Variants in LRBA observed in about 807,000 individuals in gnomAD.
LRBA encodes the protein LPS responsive beige-like anchor protein.
In LRBA, 176 loss-of-function variants were observed where a neutral mutation model predicts 330.0. The ratio of observed to expected loss-of-function variants is 0.53; its 90% CI spans 0.47 to 0.60. The LOEUF (loss-of-function observed/expected upper bound fraction) is 0.60. Among genes scored for constraint, LRBA ranks in the 20% least tolerant of loss-of-function variants. The probability of loss-of-function intolerance (pLI) is 0.00; values close to 1 mark genes in which losing one functional copy is unlikely to be tolerated. For missense variants in LRBA, 3,259 were observed against 3,444.8 expected, an observed-to-expected ratio of 0.95 and a Z score of 1.35; for synonymous variants, 1,230 against 1,193.0, an observed-to-expected ratio of 1.03 and a Z score of -0.64.
chr4:150,497,489 A>G (rs1289252237), intron 40 of LRBA, among the ~76,000 whole-genome samples: 1 of 152,178 alleles, frequency 6.6e-6, no homozygotes, highest in African/African-American at 2.4e-5. Flanking sequence ...ATACATAAAA[A>G]ATAAAATTAC....
chr4:150,398,233 A>G (rs1428902746), intron 47 of LRBA, among the ~76,000 whole-genome samples: 3 of 152,330 alleles, frequency 2.0e-5, no homozygotes, highest in South Asian at 4.1e-4. Context: ...AGAAAAAACA[A>G]TTACAAATTG....
At chr4:150,650,507 A>C (rs148334538) in intron 37 of LRBA, among the ~76,000 whole-genome samples, 1 of 152,242 alleles carries the variant, frequency 6.6e-6, no homozygotes, top group Non-Finnish European at 1.5e-5. Flanking sequence ...TAGAGTAAGG[A>C]ATCTCAAAAC....
At chr4:150,560,031 A>G (rs961494329) in intron 40 of LRBA, among the ~76,000 whole-genome samples, 1 of 140,232 alleles carries the variant, frequency 7.1e-6, no homozygotes, top group Admixed American at 8.1e-5. Flanking sequence ...ATGGCAGGTT[A>G]AAGTATTATC....
intron 44 of LRBA, among the ~76,000 whole-genome samples, chr4:150,441,166 A>T (rs907531044): frequency 5.3e-5 from 8 of 152,086 alleles, no homozygotes; most frequent in African/African-American, 7.2e-5. Context: ...AATATTTAAT[A>T]AAAAAAGGCA....
In LRBA at chr4:150,583,568, G is replaced by A. The variant is rs760781034; in HGVS notation, c.6330+4480C>T. On this transcript the variant is annotated intron_variant, in intron 40 of 56. Coordinates refer to ENST00000651943, the MANE Select transcript of LRBA (RefSeq NM_001364905.1). This position sits in a 1 kb window ranked among gnomAD's most constrained non-coding sequence, Gnocchi z 9.8. ...CCGGCGTTCAAGTGCACCGGGATCT[G>A]GCCTCGCAGCGCGGCACAGTGGCCT... 1 of 1,613,908 alleles carries A rather than the reference G, an allele frequency of 6.2e-7. No homozygotes were observed. Among genetic ancestry groups the A allele is most frequent in the Non-Finnish European group, 8.5e-7 (1 of 1,179,920 alleles).
At chr4:150,629,353 T>G (rs570485040) in intron 37 of LRBA, among the ~76,000 whole-genome samples, 29 of 152,326 alleles carry the variant, frequency 1.9e-4, no homozygotes, top group African/African-American at 6.7e-4. Context: ...TTTTTAAAGG[T>G]ATAGGCCAGG....
chr4:150,499,638 T>TC (rs1760007503), intron 40 of LRBA, among the ~76,000 whole-genome samples: 1 of 152,076 alleles, frequency 6.6e-6, no homozygotes. Flanking sequence ...GACTTTTTTT[T>TC]TTTTTTAAGT....
At position 150,316,877 on chromosome 4, in the gene LRBA, T is replaced by G. The variant is rs144739785; in HGVS notation, c.7631-1254A>C. On this transcript the variant is annotated intron_variant, in intron 50 of 56. Transcript: ENST00000651943. ...AGGGGCGTTGGGGTTCCTATCTTTA[T>G]GGGTTTCTGTTAACCAAGGGGTGGA... 4.1e-3 allele frequency among the ~76,000 whole-genome samples: 617 copies of G among 152,268 alleles called. 3 individuals carry two copies. Among genetic ancestry groups the G allele is most frequent in the African/African-American group, 0.013 (554 of 41,558 alleles).
intron 56 of LRBA, among the ~76,000 whole-genome samples, chr4:150,270,548 T>C (rs1478091040): frequency 6.6e-6 from 1 of 152,178 alleles, no homozygotes; most frequent in Non-Finnish European, 1.5e-5. Flanking sequence ...GTCATTAACA[T>C]GCAGAGCTTC....
At chr4:150,516,706 A>C (rs1472892140) in intron 40 of LRBA, among the ~76,000 whole-genome samples, 1 of 45,224 alleles carries the variant, frequency 2.2e-5, no homozygotes, top group Non-Finnish European at 6.1e-5. Context: ...CAGAAACAAT[A>C]AAAAAATTAA....
intron 20 of LRBA, among the ~76,000 whole-genome samples, chr4:150,869,275 A>C (rs1426707914): frequency 6.6e-6 from 1 of 152,176 alleles, no homozygotes; most frequent in Non-Finnish European, 1.5e-5. Context: ...TAAAAGTAAA[A>C]TTAGACACAA....
chr4:150,525,838 T>C (rs975295243), intron 40 of LRBA, among the ~76,000 whole-genome samples: 2 of 152,156 alleles, frequency 1.3e-5, no homozygotes, highest in Non-Finnish European at 2.9e-5. Flanking sequence ...CAGACATACA[T>C]CTCTTTCCAT....
intron 36 of LRBA, among the ~76,000 whole-genome samples, chr4:150,694,997 A>G (rs1016293581): frequency 6.6e-6 from 1 of 152,152 alleles, no homozygotes; most frequent in Admixed American, 6.5e-5. Context: ...TATAGTTTCT[A>G]CTTGTGTGCC....
intron 42 of LRBA, among the ~76,000 whole-genome samples, chr4:150,481,892 G>T (rs531295630): frequency 6.6e-6 from 1 of 152,112 alleles, no homozygotes; most frequent in East Asian, 1.9e-4. Context: ...ATTAATATTT[G>T]CTTAAAAGTA....
chr4:150,423,432 G>A, intron 46 of LRBA: 1 of 613,550 alleles, frequency 1.6e-6, no homozygotes, highest in Non-Finnish European at 2.9e-6. Flanking sequence ...TGGAGGCTCT[G>A]GCGGTGAGCT....
chr4:150,650,664 T>C (rs927474566), intron 37 of LRBA, among the ~76,000 whole-genome samples: 3 of 152,156 alleles, frequency 2.0e-5, no homozygotes, highest in African/African-American at 7.2e-5. Flanking sequence ...AGTAAACTGT[T>C]AATATTTGAA....
At position 150,583,622 on chromosome 4, in the gene LRBA, A is replaced by T; in HGVS notation, c.6330+4426T>A. 1 of 1,613,966 alleles carries T rather than the reference A, an allele frequency of 6.2e-7. No homozygotes were observed. The highest frequency in any genetic ancestry group is 8.5e-7 in the Non-Finnish European group (1 of 1,180,012). ...CCCCACATCCCTTGGCCCGGCCCCA[A>T]TCGGGTGGCCGAGGTCAAGGCCGAA... On this transcript the variant is annotated intron_variant, in intron 40 of 56. Transcript: ENST00000651943. The surrounding 1 kb of genome is among the most constrained non-coding windows in gnomAD (Gnocchi z 9.8).
intron 16 of LRBA, 141 bp from the exon 17 acceptor site, chr4:150,893,290 T>A: frequency 1.7e-6 from 1 of 571,892 alleles, no homozygotes; most frequent in South Asian, 2.6e-5. Context: ...TAACAAATTA[T>A]GTTCTTTAAA....
At chr4:150,311,156 T>C (rs1268078871) in intron 51 of LRBA, 1 of 152,092 alleles carries the variant, frequency 6.6e-6, no homozygotes, top group Non-Finnish European at 1.5e-5. Flanking sequence ...CGTCCAGAAA[T>C]ACACCATCGA....
Sources: gnomAD v4.1 joint callset for allele counts (sites outside exome capture counted in the v4.1 genomes callset) on GRCh38, gnomAD v4.1.1 for gene constraint, Gnocchi (gnomAD v3.1) non-coding constraint, MANE v1.5 for transcripts, NCBI Gene and HGNC (gene_info 2026-07-23, HGNC 2026-07-21) for gene names.